IARS2: variants seen among roughly 807,000 people sequenced by gnomAD.
IARS2 encodes the protein isoleucyl-tRNA synthetase 2, mitochondrial, also known as isoleucine--tRNA ligase, mitochondrial.
In IARS2, 56 loss-of-function variants were observed where a neutral mutation model predicts 126.3. That is an observed-to-expected ratio of 0.44 (90% CI 0.36 to 0.55). IARS2 has a LOEUF of 0.55. IARS2 is among the 20% of genes least tolerant of loss of function. The pLI is 0.00. For synonymous variants in IARS2, 407 were observed against 441.1 expected (o/e 0.92, Z 0.97); for missense variants, 1,127 against 1,245.9 (o/e 0.90, Z 1.44).
chr1:220,094,495 G>T lies in IARS2; in HGVS notation c.267+12G>T. The T allele has an allele frequency of 6.3e-7, 1 of 1,576,762 alleles. No individual in the cohort carries two copies. The highest frequency in any genetic ancestry group is 2.3e-5 in the East Asian group (1 of 42,952). ...TGGAGATCCAGCAGGTACGGGCCCC[G>T]CCTCGGCGCGGGGCCTCCAGAGAGG... On this transcript the variant is annotated intron_variant, in intron 1 of 22. Transcript: ENST00000366922.
chr1:220,111,231 G>C (rs1340895930), intron 11 of IARS2, among the ~76,000 whole-genome samples: 1 of 152,158 alleles, frequency 6.6e-6, no homozygotes, highest in East Asian at 1.9e-4. Flanking sequence ...GGACAGAACT[G>C]TGTTACCTAG....
At chr1:220,098,323 G>A (rs1219532563) in intron 2 of IARS2, among the ~76,000 whole-genome samples, 1 of 152,134 alleles carries the variant, frequency 6.6e-6, no homozygotes, top group Admixed American at 6.6e-5. Flanking sequence ...TTATAGTCTT[G>A]CTTGCTTTCT....
intron 22 of IARS2, among the ~76,000 whole-genome samples, chr1:220,146,386 C>T (rs544863416): frequency 2.0e-5 from 3 of 152,004 alleles, no homozygotes; most frequent in African/African-American, 4.8e-5. Flanking sequence ...GGCGTGGCGG[C>T]GTGTGCCTGT....
rs1657520136 is a variant in IARS2, at chr1:220,143,026, T to C, written c.2643T>C (p.Ser881=). 11 of 1,613,982 alleles carry C rather than the reference T, an allele frequency of 6.8e-6. No individual in the cohort carries two copies. The South Asian group carries it at 1.2e-4, about 18-fold the overall frequency. Residue 881 remains serine (S), a synonymous_variant, in exon 21 of 23, where the codon AGT becomes AGC. Coordinates refer to ENST00000366922, the MANE Select transcript of IARS2 (RefSeq NM_018060.4). ...CCGGGTTGGAAGAAGCTGTGGAGAG[T>C]GCGTGTGCAATGCGAGACTCATTTC... is the stretch of plus-strand genomic sequence containing the variant. ...KKPGLEEAVE[S]ACAMRDSFLG... is the part of the protein sequence containing the mutation.
At chr1:220,095,543 C>T (rs769408840) in intron 1 of IARS2, among the ~76,000 whole-genome samples, 9 of 152,096 alleles carry the variant, frequency 5.9e-5, no homozygotes, top group Non-Finnish European at 1.0e-4. Context: ...CAAATGTTTC[C>T]TCGTTTAATC....
rs773680741 is a variant in IARS2 at position 220,110,772 on chromosome 1, T to TG, written c.1328-14_1328-13insG. On this transcript the variant is annotated splice_polypyrimidine_tract_variant and intron_variant, in intron 10 of 22. Transcript: ENST00000366922. ...TTTTTAATTATGTCTAATTTGGTGT[T>TG]TTTTTTTTTAAAGTTATAAAGATGC... The TG allele has an allele frequency of 1.3e-6, 2 of 1,541,726 alleles. No homozygotes were observed. The highest frequency in any genetic ancestry group is 2.3e-5 in the East Asian group (1 of 42,752).
chr1:220,142,353 G>A (rs1180619527), intron 20 of IARS2, among the ~76,000 whole-genome samples: 1 of 152,116 alleles, frequency 6.6e-6, no homozygotes, highest in Non-Finnish European at 1.5e-5. Context: ...ATAAAAATTA[G>A]TGGGGCATGG....
rs768531507 is a variant in IARS2, at chr1:220,094,195, C to G, written c.-22C>G. 15 of 1,533,096 alleles carry G rather than the reference C, an allele frequency of 9.8e-6. No homozygotes were observed. The highest frequency in any genetic ancestry group is 1.4e-5 in the African/African-American group (1 of 71,442). 95.0% of individuals were successfully genotyped at this position (1,533,096 alleles called of 1,614,324 possible). On this transcript the variant is annotated 5_prime_UTR_variant, in exon 1 of 23. Transcript: ENST00000366922. The stretch of plus-strand genomic sequence containing the variant: ...AAGCTGGGGCGGGAGCGGAGGACCC[C>G]GCTCTCAGGGGTTGCCGGACCATGC...
At chr1:220,135,937 A>T (rs967851255) in intron 15 of IARS2, among the ~76,000 whole-genome samples, 18 of 148,696 alleles carry the variant, frequency 1.2e-4, no homozygotes, top group Non-Finnish European at 2.1e-4. Flanking sequence ...CTCCACTCCC[A>T]CCCCAGGGCC....
chr1:220,146,674 T>C (rs551660329), intron 22 of IARS2, among the ~76,000 whole-genome samples: 2 of 152,270 alleles, frequency 1.3e-5, no homozygotes, highest in African/African-American at 2.4e-5. Flanking sequence ...TAATTTACTT[T>C]GTGTAATTTT....
chr1:220,101,476 G>C (rs544244258), intron 3 of IARS2, among the ~76,000 whole-genome samples: 2 of 149,744 alleles, frequency 1.3e-5, no homozygotes, highest in South Asian at 2.1e-4. Flanking sequence ...GAGGTGGATC[G>C]ATCACCTAAG....
chr1:220,103,559 T>G lies in IARS2; in HGVS notation c.1063T>G (p.Ser355Ala). The G allele has an allele frequency of 6.3e-7, 1 of 1,586,426 alleles. No homozygotes were observed. The highest frequency in any genetic ancestry group is 1.3e-5 in the African/African-American group (1 of 74,546). The change falls in exon 8 of 23, where the codon TCA (serine) becomes GCA (alanine). Residue 355 changes from serine (S) to alanine (A), a missense_variant. Physicochemically the swap from Ser to Ala is moderately conservative, Grantham distance 99. Transcript: ENST00000366922. ...AACATTTGAGACTATTTCAACACTT[T>G]CAGGTGAAGATTTTTAGATATCTGA... ...ETTFETISTL[S>A]GVDLENGTCS... is the part of the protein sequence containing the mutation.
chr1:220,133,674 G>A (rs1657313070), intron 14 of IARS2, among the ~76,000 whole-genome samples: 1 of 151,932 alleles, frequency 6.6e-6, no homozygotes, highest in Non-Finnish European at 1.5e-5. Context: ...CTTTTATTTT[G>A]AAAAGTCATA....
In IARS2 at chr1:220,094,213, G is replaced by A; in HGVS notation, c.-4G>A. 1 of 1,564,770 alleles carries A rather than the reference G, an allele frequency of 6.4e-7. No homozygotes were observed. Among genetic ancestry groups the A allele is most frequent in the East Asian group, 2.3e-5 (1 of 43,858 alleles). On this transcript the variant is annotated 5_prime_UTR_variant, in exon 1 of 23. Coordinates refer to ENST00000366922, the MANE Select transcript of IARS2 (RefSeq NM_018060.4). ...AGGACCCCGCTCTCAGGGGTTGCCG[G>A]ACCATGCGTTGGGGGCTGCGCCCTC...
intron 11 of IARS2, among the ~76,000 whole-genome samples, chr1:220,113,961 T>A (rs1656863576): frequency 6.6e-6 from 1 of 152,116 alleles, no homozygotes; most frequent in Non-Finnish European, 1.5e-5. Context: ...AACTATAGTT[T>A]AGTGAAGTAT....
chr1:220,100,186 CAG>C (rs1357187714), intron 2 of IARS2, among the ~76,000 whole-genome samples: 1 of 152,156 alleles, frequency 6.6e-6, no homozygotes, highest in African/African-American at 2.4e-5. Flanking sequence ...TTGTCAATGA[CAG>C]AGTTAACCAC....
At chr1:220,140,983 CAAAAA>C (rs555848103) in intron 19 of IARS2, among the ~76,000 whole-genome samples, 1 of 69,238 alleles carries the variant, frequency 1.4e-5, no homozygotes, top group Admixed American at 1.6e-4. Flanking sequence ...GACTCCGTCT[CAAAAA>C]AAAAAAAAAA....
At chr1:220,135,585 C>T (rs1251811526) in intron 15 of IARS2, among the ~76,000 whole-genome samples, 3 of 152,102 alleles carry the variant, frequency 2.0e-5, no homozygotes, top group Non-Finnish European at 2.9e-5. Flanking sequence ...GTCTCAAACT[C>T]CTGCTCTCAA....
At chr1:220,095,755 A>T (rs1020270607) in intron 1 of IARS2, among the ~76,000 whole-genome samples, 5 of 152,338 alleles carry the variant, frequency 3.3e-5, no homozygotes, top group African/African-American at 1.2e-4. Flanking sequence ...TGTGTCGGGA[A>T]TCTGCAGGTC....
Sources: gnomAD v4.1 joint callset for allele counts (sites outside exome capture counted in the v4.1 genomes callset) on GRCh38, gnomAD v4.1.1 for gene constraint, MANE v1.5 for transcripts, NCBI Gene and HGNC (gene_info 2026-07-23, HGNC 2026-07-21) for gene names.